TYW1: variants seen among roughly 807,000 people sequenced by gnomAD.
TYW1 encodes the protein S-adenosyl-L-methionine-dependent tRNA 4-demethylwyosine synthase TYW1.
A neutral mutation model predicts 96.2 loss-of-function variants in TYW1; 46 were observed. The observed-to-expected ratio is 0.48, with a 90% CI of 0.38 to 0.61. The LOEUF (loss-of-function observed/expected upper bound fraction) is 0.61. TYW1 is among the 20% of genes least tolerant of loss of function. The pLI is 0.00. For synonymous variants in TYW1, 274 were observed against 323.0 expected (o/e 0.85, Z 1.63); for missense variants, 684 against 909.6 (o/e 0.75, Z 3.19).
intron 15 of TYW1, among the ~76,000 whole-genome samples, chr7:67,209,885 T>C (rs1014393566): frequency 6.6e-6 from 1 of 152,138 alleles, no homozygotes; most frequent in African/African-American, 2.4e-5. Flanking sequence ...ATTTTTTTTT[T>C]CAATAGACTT....
chr7:67,094,110 G>GTT lies in TYW1; in HGVS notation c.1385-4426_1385-4425dup, dbSNP rs371947426. Among the ~76,000 whole-genome samples, 784 of 152,046 alleles carry GTT rather than the reference G, an allele frequency of 5.2e-3. 3 individuals carry two copies. The highest frequency in any genetic ancestry group is 0.018 in the African/African-American group (743 of 41,458). On this transcript the variant is annotated intron_variant, in intron 11 of 15. Coordinates refer to ENST00000359626, the MANE Select transcript of TYW1 (RefSeq NM_018264.4). ...GAGAACGTGTGATATTTGATGTTCT[G>GTT]TTTTTTAGTTCACCTAGGATGATGG...
At chr7:67,001,198 A>G (rs1421315026) in intron 3 of TYW1, among the ~76,000 whole-genome samples, 1 of 152,104 alleles carries the variant, frequency 6.6e-6, no homozygotes, top group Non-Finnish European at 1.5e-5. Context: ...AACTATTTCT[A>G]TTTTTAGTTC....
chr7:67,103,131 C>T (rs979386371), intron 12 of TYW1, among the ~76,000 whole-genome samples: 15 of 152,068 alleles, frequency 9.9e-5, no homozygotes, highest in African/African-American at 2.7e-4. Flanking sequence ...CTTTGTTATC[C>T]GTTGAAATAC....
chr7:67,034,583 T>C (rs2129252434), intron 7 of TYW1, among the ~76,000 whole-genome samples: 1 of 152,304 alleles, frequency 6.6e-6, no homozygotes, highest in Non-Finnish European at 1.5e-5. Flanking sequence ...TTTTGTTTTT[T>C]GGCTACACAA....
At chr7:67,072,606 G>A (rs532114515) in intron 10 of TYW1, among the ~76,000 whole-genome samples, 1 of 152,200 alleles carries the variant, frequency 6.6e-6, no homozygotes, top group African/African-American at 2.4e-5. Context: ...TAAGCAGAGA[G>A]AGAACAATAT....
intron 14 of TYW1, among the ~76,000 whole-genome samples, chr7:67,194,948 A>T (rs1231379759): frequency 6.9e-6 from 1 of 145,642 alleles, no homozygotes; most frequent in Non-Finnish European, 1.5e-5. Flanking sequence ...AGCCCCAGCA[A>T]TGTCATAGAG....
intron 14 of TYW1, among the ~76,000 whole-genome samples, chr7:67,185,558 C>T (rs935568878): frequency 6.6e-6 from 1 of 152,098 alleles, no homozygotes; most frequent in South Asian, 2.1e-4. Context: ...TAAGCCATTG[C>T]GTGGATGGTG....
chr7:67,152,598 G>GTT (rs932348433), intron 13 of TYW1, among the ~76,000 whole-genome samples: 2 of 151,898 alleles, frequency 1.3e-5, no homozygotes, highest in South Asian at 4.2e-4. Context: ...ACAGTTTTTT[G>GTT]TTTTTTTCTT....
chr7:67,214,042 A>T (rs192928102), intron 15 of TYW1, among the ~76,000 whole-genome samples: 1 of 152,110 alleles, frequency 6.6e-6, no homozygotes, highest in Non-Finnish European at 1.5e-5. Flanking sequence ...GTCAATGTCT[A>T]CAAAATCACT....
intron 12 of TYW1, among the ~76,000 whole-genome samples, chr7:67,102,557 C>T (rs1451312110): frequency 3.3e-5 from 5 of 152,228 alleles, no homozygotes; most frequent in Non-Finnish European, 5.9e-5. Context: ...CAAATTTCTC[C>T]GATCCTGAAA....
rs1800362852 is a variant in TYW1 at position 67,195,446 on chromosome 7, T to C, written c.1977+109T>C. The C allele has an allele frequency of 3.9e-6, 6 of 1,534,272 alleles. No homozygotes were observed. The Admixed American group carries it at 1.2e-4, about 31-fold the overall frequency. ...TTGTTATAGGGATTATCTGCTTGTT[T>C]GCTACCTTTCCCAAAACAAAAATAA... On this transcript the variant is annotated intron_variant, in intron 15 of 15. Transcript: ENST00000359626.
chr7:67,181,960 C>A (rs1166256442), intron 13 of TYW1, among the ~76,000 whole-genome samples: 1 of 152,148 alleles, frequency 6.6e-6, no homozygotes, highest in Non-Finnish European at 1.5e-5. Flanking sequence ...TCCCAAGTAG[C>A]TGGGATTACA....
chr7:67,121,665 C>T (rs1797764746), intron 13 of TYW1, among the ~76,000 whole-genome samples: 1 of 150,806 alleles, frequency 6.6e-6, no homozygotes, highest in African/African-American at 2.5e-5. Context: ...TTTGATTAGA[C>T]TTTTACTATG....
intron 13 of TYW1, among the ~76,000 whole-genome samples, chr7:67,173,154 C>G (rs1799567148): frequency 6.6e-6 from 1 of 152,154 alleles, no homozygotes; most frequent in Non-Finnish European, 1.5e-5. Flanking sequence ...CTCATTTTCT[C>G]TGATAGTTTC....
At chr7:67,210,001 C>T (rs1341656356) in intron 15 of TYW1, among the ~76,000 whole-genome samples, 3 of 152,024 alleles carry the variant, frequency 2.0e-5, no homozygotes, top group African/African-American at 7.2e-5. Flanking sequence ...TGGTGTGGTA[C>T]GTGTGTTACA....
At position 67,183,146 on chromosome 7, in the gene TYW1, A is replaced by T; in HGVS notation, c.1719A>T (p.Arg573Ser). The T allele has an allele frequency of 3.7e-6, 6 of 1,612,414 alleles. No individual in the cohort carries two copies. The highest frequency in any genetic ancestry group is 5.1e-6 in the Non-Finnish European group (6 of 1,179,112). The change falls in exon 14 of 16, where the codon AGA (arginine) becomes AGT (serine). Residue 573 changes from arginine (R) to serine (S), a missense_variant. Arg to Ser is a moderately radical substitution (Grantham distance 110, BLOSUM62 -1). Transcript: ENST00000359626. Reference sequence around the variant, plus strand: ...TTTAGCAACAACGAACTGTCTACAGACTGACGCTCGTGAAAGCATGGAACG... The same window carrying T: ...TTTAGCAACAACGAACTGTCTACAGTCTGACGCTCGTGAAAGCATGGAACG... ...LAVKQQRTVYRLTLVKAWNVD... is the reference protein window; with the variant it reads ...LAVKQQRTVYSLTLVKAWNVD...
chr7:67,204,291 T>C (rs1235306958), intron 15 of TYW1, among the ~76,000 whole-genome samples: 1 of 152,170 alleles, frequency 6.6e-6, no homozygotes, highest in African/African-American at 2.4e-5. Context: ...GCTTTGTTTG[T>C]TTCTCTTTTA....
rs149636444 is a variant in TYW1 at position 67,111,544 on chromosome 7, C to A, written c.1563-5939C>A. ...AAACAAAAGTATGAAAATGATGACTCATCAAATAGACTATCACTAAAGTCT... is the reference window on the plus strand; with the variant it reads ...AAACAAAAGTATGAAAATGATGACTAATCAAATAGACTATCACTAAAGTCT... On this transcript the variant is annotated intron_variant, in intron 12 of 15. Coordinates refer to ENST00000359626, the MANE Select transcript of TYW1 (RefSeq NM_018264.4). Among the ~76,000 whole-genome samples, 267 of 152,242 alleles carry A rather than the reference C, an allele frequency of 1.8e-3. 1 individual carries two copies. The highest frequency in any genetic ancestry group is 6.2e-3 in the African/African-American group (256 of 41,554).
chr7:67,049,113 C>CT (rs1447677587), intron 7 of TYW1, among the ~76,000 whole-genome samples: 1 of 152,202 alleles, frequency 6.6e-6, no homozygotes, highest in African/African-American at 2.4e-5. Context: ...GCTTAGAGTA[C>CT]TTTTTTCATT....
Sources: gnomAD v4.1 joint callset for allele counts (sites outside exome capture counted in the v4.1 genomes callset) on GRCh38, gnomAD v4.1.1 for gene constraint, MANE v1.5 for transcripts, NCBI Gene and HGNC (gene_info 2026-07-23, HGNC 2026-07-21) for gene names.